The following DLST variants were observed in gnomAD, a reference collection of about 807,000 sequenced individuals.
DLST encodes dihydrolipoyllysine-residue succinyltransferase component of 2-oxoglutarate dehydrogenase complex, mitochondrial.
A neutral mutation model predicts 53.1 loss-of-function variants in DLST; 17 were observed. That is an observed-to-expected ratio of 0.32 (90% CI 0.22 to 0.48). The LOEUF (loss-of-function observed/expected upper bound fraction) is 0.48, where lower values mean the gene tolerates loss of function less well. Among genes scored for constraint, DLST ranks in the 20% least tolerant of loss-of-function variants. DLST has a pLI of 0.99. For missense variants in DLST, 512 were observed against 583.9 expected (o/e 0.88, Z 1.27); for synonymous variants, 206 against 204.8 (o/e 1.01, Z -0.05).
intron 10 of DLST, among the ~76,000 whole-genome samples, chr14:74,897,854 G>A (rs1388805233): frequency 6.6e-6 from 1 of 151,502 alleles, no homozygotes; most frequent in Non-Finnish European, 1.5e-5. Flanking sequence ...GGAGCCTCAT[G>A]TACCCATGAG....
rs771219186 is a variant in DLST, at chr14:74,900,314, A to G, written c.1001A>G (p.Asn334Ser). Residue 334 changes from asparagine (N) to serine (S), a missense_variant, in exon 13 of 15, where the codon AAT (asparagine) becomes AGT (serine). This residue lies in a region of DLST where 186 missense variants were observed against 260.4 expected (regional missense o/e 0.71). Coordinates refer to ENST00000334220, the MANE Select transcript of DLST (RefSeq NM_001933.5). The part of the protein sequence containing the change: ...PRGLVVPVIR[N>S]VEAMNFADIE... ...GGTCTGGTGGTTCCAGTCATCAGGA[A>G]TGTGGAAGCTATGAATTTTGCAGAT... The G allele has an allele frequency of 2.5e-6, 4 of 1,613,912 alleles. No individual in the cohort carries two copies. The South Asian group carries it at 4.4e-5, about 18-fold the overall frequency.
chr14:74,901,057 T>C lies in DLST; in HGVS notation c.1060-9T>C. 4.3e-6 allele frequency: 7 copies of C among 1,612,976 alleles called. No individual in the cohort carries two copies. The highest frequency in any genetic ancestry group is 5.9e-6 in the Non-Finnish European group (7 of 1,179,528). On this transcript the variant is annotated splice_polypyrimidine_tract_variant and intron_variant, in intron 13 of 14. Transcript: ENST00000334220. ...GGCTTGATATTTCAATTATGAAATC[T>C]GTTTTTAGGCCCGAAAGAATGAACT...
intron 6 of DLST, among the ~76,000 whole-genome samples, 172 bp downstream of exon 6, chr14:74,890,124 CTTTTTTTT>C (rs34237381): frequency 3.5e-5 from 3 of 85,104 alleles, no homozygotes; most frequent in Admixed American, 1.3e-4. Flanking sequence ...TTACATTTAA[CTTTTTTTT>C]TTTTTTTTTT....
At chr14:74,898,250 A>G in intron 10 of DLST, 119 bp from the exon 11 acceptor site, 4 of 1,297,780 alleles carry the variant, frequency 3.1e-6, no homozygotes, top group Non-Finnish European at 3.2e-6. Flanking sequence ...AACTTGAACT[A>G]AGGTAATGGT....
chr14:74,892,712 T>C, intron 7 of DLST, 122 bp from the exon 8 acceptor site: 1 of 939,548 alleles, frequency 1.1e-6, no homozygotes, highest in East Asian at 2.4e-5. Flanking sequence ...GTGCTTTGCA[T>C]ATTGCTGATA....
At position 74,894,397 on chromosome 14, in the gene DLST, A is replaced by G. The variant is rs1257566866; in HGVS notation, c.758A>G (p.Glu253Gly). The G allele has an allele frequency of 3.1e-6, 5 of 1,613,938 alleles. No homozygotes were observed. In the Admixed American group the frequency reaches 8.3e-5, roughly 27 times the overall value. ...TGTGCAATGCTGACAACTTTTAATG[A>G]GATTGACATGAGGTAGTGTCTCTAG... is the stretch of plus-strand genomic sequence containing the variant. ...NTCAMLTTFN[E>G]IDMSNIQEMR... Residue 253 changes from glutamate (E) to glycine (G), a missense_variant, in exon 10 of 15, where the codon GAG becomes GGG. Physicochemically the swap from Glu to Gly is moderately conservative, Grantham distance 98 (BLOSUM62 -2). Around this residue, in one of 4 missense-constraint regions of DLST, gnomAD observed 162 missense variants for 162.0 expected, o/e 1.00. Coordinates refer to ENST00000334220, the MANE Select transcript of DLST (RefSeq NM_001933.5).
At chr14:74,892,753 T>TA in intron 7 of DLST, 81 bp from the exon 8 acceptor site, 1 of 1,424,196 alleles carries the variant, frequency 7.0e-7, no homozygotes, top group Non-Finnish European at 9.6e-7. Flanking sequence ...TGATTGGAGC[T>TA]AGAGTTTTTG....
chr14:74,886,326 T>C (rs1279081956), intron 3 of DLST, among the ~76,000 whole-genome samples: 1 of 152,002 alleles, frequency 6.6e-6, no homozygotes, highest in Non-Finnish European at 1.5e-5. Flanking sequence ...ACAATGAGGG[T>C]TTTTGTTGTT....
At position 74,902,277 on chromosome 14, in the gene DLST, C is replaced by T. The variant is rs372583375; in HGVS notation, c.1309C>T (p.Arg437Cys). Residue 437 changes from arginine to cysteine, a missense_variant, in exon 15 of 15, where the codon CGC (arginine) becomes TGC (cysteine). Coordinates refer to ENST00000334220, the MANE Select transcript of DLST (RefSeq NM_001933.5). Reference protein sequence around the residue: ...IDGREAVTFLRKIKAAVEDPR... With the variant: ...IDGREAVTFLCKIKAAVEDPR... ...TGGCAGAGAGGCTGTGACTTTCCTCCGCAAAATCAAGGCAGCGGTAGAGGA... is the reference window on the plus strand; with the variant it reads ...TGGCAGAGAGGCTGTGACTTTCCTCTGCAAAATCAAGGCAGCGGTAGAGGA... 81 of 1,613,420 alleles carry T rather than the reference C, an allele frequency of 5.0e-5. 1 individual carries two copies. Among genetic ancestry groups the T allele is most frequent in the Admixed American group, 1.8e-4 (11 of 59,986 alleles).
At chr14:74,899,758 A>G (rs1884182707) in intron 11 of DLST, among the ~76,000 whole-genome samples, 165 bp from the exon 12 acceptor site, 1 of 152,180 alleles carries the variant, frequency 6.6e-6, no homozygotes, top group Admixed American at 6.5e-5. Context: ...GGATGGGAGT[A>G]AGTGGAATGC....
chr14:74,901,650 A>AT (rs1884249066), intron 14 of DLST, among the ~76,000 whole-genome samples: 1 of 152,206 alleles, frequency 6.6e-6, no homozygotes, highest in South Asian at 2.1e-4. Flanking sequence ...AGTTCAGAGA[A>AT]TTAAGTATTA....
Position 74,889,113 on chromosome 14 carries a change from CA to C in DLST, c.166del (p.Ser56ValfsTer67). ...RKVVINNSVF[S>X]VRFFRTTAVC... is the part of the protein sequence containing the mutation. ...TTTGTAGCATTAACAACAGTGTCTT[CA>C]GTGTTCGCTTTTTCAGAACTACAGC... On this transcript the variant is annotated frameshift_variant, in exon 4 of 15. Transcript: ENST00000334220. LOFTEE classifies it high-confidence loss of function. The C allele has an allele frequency of 6.2e-7, 1 of 1,614,156 alleles. No individual in the cohort carries two copies. The highest frequency in any genetic ancestry group is 1.1e-5 in the South Asian group (1 of 91,078).
chr14:74,898,950 C>T (rs1468825401), intron 11 of DLST, among the ~76,000 whole-genome samples: 1 of 152,196 alleles, frequency 6.6e-6, no homozygotes, highest in Non-Finnish European at 1.5e-5. Flanking sequence ...GGACCTGGTG[C>T]TTATTTTCTT....
At chr14:74,890,056 G>T (rs1883848990) in intron 6 of DLST, 104 bp downstream of exon 6, 6 of 782,244 alleles carry the variant, frequency 7.7e-6, no homozygotes, top group African/African-American at 1.8e-5. Context: ...TTTTTAACTA[G>T]CTCTAACTTC....
chr14:74,898,451 G>C lies in DLST; in HGVS notation c.853G>C (p.Val285Leu). 6.2e-7 allele frequency: 1 copy of C among 1,614,134 alleles called. No individual in the cohort carries two copies. Among genetic ancestry groups the C allele is most frequent in the Non-Finnish European group, 8.5e-7 (1 of 1,180,040 alleles). ...NLKLGFMSAF[V>L]KASAFALQEQ... Reference sequence around the variant, plus strand: ...CAAACTAGGCTTCATGTCGGCATTTGTGAAGGCCTCAGCCTTTGCCTTGCA... The same window carrying C: ...CAAACTAGGCTTCATGTCGGCATTTCTGAAGGCCTCAGCCTTTGCCTTGCA... The change falls in exon 11 of 15, where the codon GTG becomes CTG. Residue 285 changes from valine to leucine, a missense_variant. Coordinates refer to ENST00000334220, the MANE Select transcript of DLST (RefSeq NM_001933.5).
chr14:74,898,331 A>T, intron 10 of DLST, 38 bp from the exon 11 acceptor site: 2 of 1,598,208 alleles, frequency 1.3e-6, no homozygotes, highest in Non-Finnish European at 1.7e-6. Flanking sequence ...GTCAAAATGC[A>T]GGCTTTGTGG....
chr14:74,899,637 G>T (rs751421704), intron 11 of DLST, among the ~76,000 whole-genome samples: 10 of 152,166 alleles, frequency 6.6e-5, no homozygotes, highest in Non-Finnish European at 1.5e-4. Flanking sequence ...CGAGAGTTTA[G>T]TGCATACCTA....
At chr14:74,888,173 C>T (rs117060466) in intron 3 of DLST, among the ~76,000 whole-genome samples, 1,640 of 151,770 alleles carry the variant, frequency 0.011, 18 homozygotes, top group Middle Eastern at 0.024. Flanking sequence ...CTTTGAGGTT[C>T]GTTTTGAATG....
rs1439252086 is a variant in DLST at position 74,902,621 on chromosome 14, C to T, written c.*291C>T. On this transcript the variant is annotated 3_prime_UTR_variant, in exon 15 of 15. Coordinates refer to ENST00000334220, the MANE Select transcript of DLST (RefSeq NM_001933.5). ...TATTCCTGCCTTTCTTCCATCAGCT[C>T]TCTGCAAAGATGATTTTGCTTTTCC... 1 of 252,198 alleles carries T rather than the reference C, an allele frequency of 4.0e-6. No individual in the cohort carries two copies. Among genetic ancestry groups the T allele is most frequent in the East Asian group, 7.5e-5 (1 of 13,396 alleles). 15.6% of individuals were successfully genotyped at this position (252,198 alleles called of 1,614,324 possible).
Sources: allele counts gnomAD v4.1 joint callset (sites outside exome capture counted in the v4.1 genomes callset), GRCh38; gene constraint gnomAD v4.1.1; regional missense constraint gnomAD v4.1.1; transcripts MANE v1.5; gene names NCBI Gene and HGNC (gene_info 2026-07-23, HGNC 2026-07-21).